The following MRE11 variants were observed in gnomAD, a reference collection of about 807,000 sequenced individuals.
The protein encoded by MRE11 is MRE11 double strand break repair nuclease.
Under a neutral mutation model 91.7 loss-of-function variants are expected in MRE11, and 62 were observed. The observed-to-expected ratio is 0.68, with a 90% CI of 0.55 to 0.84. The LOEUF (loss-of-function observed/expected upper bound fraction) is 0.84, where lower values mean the gene tolerates loss of function less well. Among genes scored for constraint, MRE11 ranks in the 40% least tolerant of loss-of-function variants. The pLI is 0.00. For synonymous variants in MRE11, 273 were observed against 271.4 expected (o/e 1.01, Z -0.06); for missense variants, 796 against 852.9 (o/e 0.93, Z 0.83).
At chr11:94,460,266 A>C (rs1946380622) in intron 12 of MRE11, among the ~76,000 whole-genome samples, 2 of 152,222 alleles carry the variant, frequency 1.3e-5, no homozygotes, top group African/African-American at 4.8e-5. Flanking sequence ...GTAAGATAAT[A>C]AATTTGTGTT....
intron 14 of MRE11, among the ~76,000 whole-genome samples, chr11:94,448,492 G>A (rs932379178): frequency 6.6e-6 from 1 of 152,030 alleles, no homozygotes; most frequent in Non-Finnish European, 1.5e-5. Flanking sequence ...AGCTACTTGA[G>A]AGGCTGAGGT....
chr11:94,435,558 A>AAAAT (rs1054740861), intron 18 of MRE11, among the ~76,000 whole-genome samples: 8 of 152,164 alleles, frequency 5.3e-5, no homozygotes, highest in South Asian at 2.1e-4. Flanking sequence ...ACTGTCTCAA[A>AAAAT]AAATAAATAA....
chr11:94,512,412 TG>T, the MRE11 span: 2 of 1,142,704 alleles, frequency 1.8e-6, no homozygotes, highest in Non-Finnish European at 2.2e-6. Flanking sequence ...GAAGGCCGGC[TG>T]GGGGCGGGGA....
the MRE11 span, among the ~76,000 whole-genome samples, chr11:94,512,262 TC>T: frequency 3.9e-5 from 6 of 152,350 alleles, no homozygotes; most frequent in African/African-American, 1.4e-4. Flanking sequence ...GTAAAGCCTC[TC>T]TTGCCGAGCT....
At chr11:94,420,387 T>C (rs904916025) in intron 19 of MRE11, among the ~76,000 whole-genome samples, 1 of 152,246 alleles carries the variant, frequency 6.6e-6, no homozygotes, top group African/African-American at 2.4e-5. Context: ...CTGCTGTGTG[T>C]GCATGTATCT....
intron 11 of MRE11, 31 bp from the exon 12 acceptor site, chr11:94,461,067 C>T (rs1216121908): frequency 1.9e-6 from 3 of 1,564,086 alleles, no homozygotes; most frequent in Non-Finnish European, 2.6e-6. Flanking sequence ...CAAAAAATAG[C>T]TTCTATCATA....
upstream of MRE11, chr11:94,497,110 T>C: frequency 1.1e-6 from 1 of 908,428 alleles, no homozygotes; most frequent in Non-Finnish European, 1.7e-6. Flanking sequence ...CTGCAAAGTG[T>C]CATGCTAGGT....
At chr11:94,462,377 C>T (rs1016827912) in intron 11 of MRE11, among the ~76,000 whole-genome samples, 1 of 152,118 alleles carries the variant, frequency 6.6e-6, no homozygotes, top group Non-Finnish European at 1.5e-5. Context: ...AGATTCAATG[C>T]CATCCCCATC....
chr11:94,497,921 AAG>A, upstream of MRE11: 1 of 628,404 alleles, frequency 1.6e-6, no homozygotes, highest in Non-Finnish European at 2.7e-6. Context: ...CCTCCCCAAA[AAG>A]AGATCTTAAA....
At chr11:94,489,954 C>T (rs571048118) in intron 3 of MRE11, among the ~76,000 whole-genome samples, 102 of 152,246 alleles carry the variant, frequency 6.7e-4, no homozygotes, top group Middle Eastern at 3.4e-3. Flanking sequence ...CATCCCTTTG[C>T]CCTCATCCCC....
At chr11:94,445,238 T>C (rs956722711) in intron 16 of MRE11, among the ~76,000 whole-genome samples, 1 of 152,242 alleles carries the variant, frequency 6.6e-6, no homozygotes, top group Non-Finnish European at 1.5e-5. Flanking sequence ...CACTTTCCTG[T>C]TTCCAGGGTC....
intron 7 of MRE11, chr11:94,475,487 A>C: frequency 2.4e-6 from 1 of 413,166 alleles, no homozygotes; most frequent in South Asian, 1.7e-5. Context: ...TTCTTCCCTG[A>C]CAACTTCTCC....
At chr11:94,423,608 C>T (rs995812880) in intron 19 of MRE11, among the ~76,000 whole-genome samples, 1 of 152,230 alleles carries the variant, frequency 6.6e-6, no homozygotes, top group African/African-American at 2.4e-5. Context: ...CCTACAGCCC[C>T]TTCCAGGGCC....
intron 4 of MRE11, among the ~76,000 whole-genome samples, chr11:94,483,996 C>T (rs1212131111): frequency 1.3e-5 from 2 of 152,120 alleles, no homozygotes; most frequent in African/African-American, 2.4e-5. Context: ...ACATCCAGAT[C>T]TTGGTTTCCA....
chr11:94,452,213 A>G (rs1303117631), intron 14 of MRE11, among the ~76,000 whole-genome samples: 5 of 151,694 alleles, frequency 3.3e-5, no homozygotes, highest in Admixed American at 6.6e-5. Context: ...AAAAAAAAAA[A>G]AGAGAAAGAC....
At position 94,419,336 on chromosome 11, in the gene MRE11, C is replaced by T. The variant is rs1380003675; in HGVS notation, c.*789G>A. The T allele has an allele frequency of 4.3e-6, 1 of 232,722 alleles. No individual in the cohort carries two copies. The highest frequency in any genetic ancestry group is 2.2e-5 in the African/African-American group (1 of 45,250). The allele number at this position is 232,722 out of a possible 1,614,324, so 14.4% of individuals were successfully genotyped here. ...CTGACCACTCTACCTAAAACAAATT[C>T]TTCAATATTTTCAAGATGTAGTTTA... On this transcript the variant is annotated 3_prime_UTR_variant, in exon 20 of 20. Transcript: ENST00000323929.
In MRE11 at chr11:94,478,728, G is replaced by A. The variant is rs745704389; in HGVS notation, c.544+7C>T. ...TGGACATAAACAGTAAAATAAAACT[G>A]TCTTACCTAAACCATATAGCGCAAT... On this transcript the variant is annotated splice_region_variant and intron_variant, in intron 6 of 19. Coordinates refer to ENST00000323929, the MANE Select transcript of MRE11 (RefSeq NM_005591.4). The A allele has an allele frequency of 5.0e-6, 8 of 1,611,652 alleles. No homozygotes were observed. The South Asian group carries it at 6.6e-5, about 13-fold the overall frequency.
chr11:94,424,079 T>C lies in MRE11; in HGVS notation c.2071-3898A>G, dbSNP rs138596574. Among the ~76,000 whole-genome samples, 836 of 152,164 alleles carry C rather than the reference T, an allele frequency of 5.5e-3. 13 individuals are homozygous for C. Among genetic ancestry groups the C allele is most frequent in the African/African-American group, 0.019 (800 of 41,500 alleles). On this transcript the variant is annotated intron_variant, in intron 19 of 19. Transcript: ENST00000323929. ...GTGATAGGAGGGACCTCACCCATGG[T>C]CCAGGAGTGGCCCTTATGAGTGGTC...
chr11:94,479,893 A>G, intron 4 of MRE11, 132 bp from the exon 5 acceptor site: 1 of 679,478 alleles, frequency 1.5e-6, no homozygotes, highest in Non-Finnish European at 2.6e-6. Flanking sequence ...ACTAGTTTAG[A>G]GCTTTAAAAA....
Sources: gnomAD v4.1 joint callset for allele counts (sites outside exome capture counted in the v4.1 genomes callset) on GRCh38, gnomAD v4.1.1 for gene constraint, MANE v1.5 for transcripts, NCBI Gene and HGNC (gene_info 2026-07-23, HGNC 2026-07-21) for gene names.